GLI3: variants seen among roughly 807,000 people sequenced by gnomAD.
GLI3 encodes GLI family zinc finger 3.
Under a neutral mutation model 100.8 loss-of-function variants are expected in GLI3, and 20 were observed. The observed-to-expected ratio is 0.20, with a 90% CI of 0.14 to 0.29. GLI3 has a LOEUF of 0.29. Among genes scored for constraint, GLI3 ranks in the 10% least tolerant of loss-of-function variants. The pLI is 1.00. For missense variants in GLI3, 2,040 were observed against 2,128.5 expected (o/e 0.96, Z 0.82); for synonymous variants, 938 against 860.5 (o/e 1.09, Z -1.58).
At chr7:42,199,087 T>A (rs1220406435) in intron 2 of GLI3, among the ~76,000 whole-genome samples, 1 of 152,062 alleles carries the variant, frequency 6.6e-6, no homozygotes, top group African/African-American at 2.4e-5. Context: ...AAGAATACAC[T>A]GAGAATACTA....
intron 6 of GLI3, among the ~76,000 whole-genome samples, chr7:42,040,896 G>A (rs1170547037): frequency 6.6e-6 from 1 of 152,084 alleles, no homozygotes; most frequent in Admixed American, 6.5e-5. Context: ...AGATGCTACT[G>A]GAATCTAGAG....
intron 7 of GLI3, among the ~76,000 whole-genome samples, chr7:42,035,532 C>G (rs1244264728): frequency 6.6e-6 from 1 of 152,240 alleles, no homozygotes; most frequent in Non-Finnish European, 1.5e-5. Context: ...TCACTGAGAT[C>G]TCTTTCCTGG....
At chr7:42,002,763 T>C (rs1034182945) in intron 10 of GLI3, among the ~76,000 whole-genome samples, 7 of 152,216 alleles carry the variant, frequency 4.6e-5, no homozygotes, top group African/African-American at 1.2e-4. Context: ...AGCATACTTA[T>C]TGGCACAGTT....
At chr7:42,132,139 C>T (rs937741074) in intron 3 of GLI3, among the ~76,000 whole-genome samples, 3 of 151,888 alleles carry the variant, frequency 2.0e-5, no homozygotes, top group Non-Finnish European at 4.4e-5. Context: ...CTCGCTCTGT[C>T]GCCCAGGCTG....
Position 41,966,661 on chromosome 7 carries a change from G to A in GLI3, c.2432-20C>T. On this transcript the variant is annotated intron_variant, in intron 14 of 14. Coordinates refer to ENST00000395925, the MANE Select transcript of GLI3 (RefSeq NM_000168.6). This position sits in a 1 kb window ranked among gnomAD's most constrained non-coding sequence, Gnocchi z 5.8. ...GTGTGCCTGGAGACAGAGAAAGGGA[G>A]AGACCATGCGGAGATGAATTCCCTT... The A allele has an allele frequency of 1.2e-6, 2 of 1,613,508 alleles. No homozygotes were observed. Among genetic ancestry groups the A allele is most frequent in the South Asian group, 1.1e-5 (1 of 91,036 alleles).
At chr7:41,968,780 GAA>G (rs150602784) in intron 13 of GLI3, among the ~76,000 whole-genome samples, 1 of 139,836 alleles carries the variant, frequency 7.2e-6, no homozygotes, top group East Asian at 1.9e-4. Context: ...AAGAAAGAAA[GAA>G]AGAAAGAAAG....
At chr7:42,244,308 A>G (rs542777722) in intron 1 of GLI3, among the ~76,000 whole-genome samples, 2 of 150,624 alleles carry the variant, frequency 1.3e-5, no homozygotes, top group South Asian at 4.1e-4. Flanking sequence ...AATAACAATG[A>G]AAAAAAATTC....
intron 1 of GLI3, among the ~76,000 whole-genome samples, chr7:42,231,909 AAAG>A (rs1472730735): frequency 6.6e-6 from 1 of 151,222 alleles, no homozygotes; most frequent in African/African-American, 2.5e-5. Context: ...AAAAAAAAAA[AAAG>A]TTAAAGTAGC....
chr7:41,965,629 C>T lies in GLI3; in HGVS notation c.3444G>A (p.Gln1148=). 1 of 1,611,166 alleles carries T rather than the reference C, an allele frequency of 6.2e-7. No individual in the cohort carries two copies. The highest frequency in any genetic ancestry group is 8.5e-7 in the Non-Finnish European group (1 of 1,177,910). Residue 1148 remains glutamine, a synonymous_variant, in exon 15 of 15, where the codon CAG becomes CAA. Transcript: ENST00000395925. ...HAGQQFHALE[Q]PCPEGSKTDL... ...CGGTTTTGCTGCCCTCGGGGCAGGG[C>T]TGCTCGAGGGCATGGAACTGCTGGC...
At chr7:42,058,487 T>G (rs780599261) in intron 4 of GLI3, among the ~76,000 whole-genome samples, 1 of 152,226 alleles carries the variant, frequency 6.6e-6, no homozygotes, top group Non-Finnish European at 1.5e-5. Context: ...GAAAATCAAA[T>G]TGATACACAT....
chr7:42,244,070 GT>G (rs1788949210), intron 1 of GLI3, among the ~76,000 whole-genome samples: 1 of 152,190 alleles, frequency 6.6e-6, no homozygotes, highest in Non-Finnish European at 1.5e-5. Flanking sequence ...CTGACCTCAG[GT>G]GATCTGCCCA....
intron 1 of GLI3, among the ~76,000 whole-genome samples, chr7:42,261,200 A>AACACACACACACACAAACACACAC (rs61693928): frequency 6.8e-6 from 1 of 147,334 alleles, no homozygotes; most frequent in Non-Finnish European, 1.5e-5. Flanking sequence ...CACACACACA[A>AACACACACACACACAAACACACAC]ACACACACAC....
chr7:42,206,048 AT>A (rs1788144696), intron 2 of GLI3, among the ~76,000 whole-genome samples: 2 of 152,288 alleles, frequency 1.3e-5, no homozygotes, highest in African/African-American at 4.8e-5. Flanking sequence ...CTGGTGGATC[AT>A]CTGAGGTCAG....
chr7:41,966,026 A>C lies in GLI3; in HGVS notation c.3047T>G (p.Leu1016Arg). Residue 1016 changes from leucine to arginine, a missense_variant, in exon 15 of 15, where the codon CTG (leucine) becomes CGG (arginine). This residue lies in a region of GLI3 where 1,041 missense variants were observed against 924.0 expected (regional missense o/e 1.13). Coordinates refer to ENST00000395925, the MANE Select transcript of GLI3 (RefSeq NM_000168.6). The surrounding 1 kb of genome is among the most constrained non-coding windows in gnomAD (Gnocchi z 5.8). ...SDPVRTGSEGLALPRVPRFSS... is the reference protein window; with the variant it reads ...SDPVRTGSEGRALPRVPRFSS... ...GAAGCGCGGCACACGAGGCAGGGCCAGGCCCTCGGAGCCTGTCCGCACCGG... is the reference window on the plus strand; with the variant it reads ...GAAGCGCGGCACACGAGGCAGGGCCCGGCCCTCGGAGCCTGTCCGCACCGG... 6.3e-7 allele frequency: 1 copy of C among 1,593,440 alleles called. No individual in the cohort carries two copies. Among genetic ancestry groups the C allele is most frequent in the Non-Finnish European group, 8.5e-7 (1 of 1,176,264 alleles).
chr7:42,215,717 G>T (rs1417714833), intron 2 of GLI3, among the ~76,000 whole-genome samples: 1 of 152,188 alleles, frequency 6.6e-6, no homozygotes, highest in Non-Finnish European at 1.5e-5. Context: ...ATTTATCCCA[G>T]GAATTGTTCT....
At chr7:42,180,156 G>A (rs1244533344) in intron 2 of GLI3, among the ~76,000 whole-genome samples, 1 of 152,148 alleles carries the variant, frequency 6.6e-6, no homozygotes, top group Non-Finnish European at 1.5e-5. Flanking sequence ...GGTGGGGGCG[G>A]AGGACAACAG....
At chr7:42,225,607 C>T (rs149044542) in intron 1 of GLI3, among the ~76,000 whole-genome samples, 7,247 of 152,222 alleles carry the variant, frequency 0.048, 202 homozygotes, top group Non-Finnish European at 0.066. Context: ...GTGATCCACC[C>T]GCCTCGGCCT....
chr7:41,974,422 A>G (rs181740481), intron 12 of GLI3, among the ~76,000 whole-genome samples: 1 of 152,344 alleles, frequency 6.6e-6, no homozygotes, highest in East Asian at 1.9e-4. Flanking sequence ...TTTGCCCACA[A>G]ATTTTGTTGT....
chr7:42,055,197 T>A (rs1008206415), intron 4 of GLI3, among the ~76,000 whole-genome samples: 8 of 151,994 alleles, frequency 5.3e-5, no homozygotes, highest in Middle Eastern at 3.4e-3. Context: ...AGTAAAACAG[T>A]AGACACTGTC....
Sources: gnomAD v4.1 joint callset for allele counts (sites outside exome capture counted in the v4.1 genomes callset) on GRCh38, gnomAD v4.1.1 for gene constraint, gnomAD v4.1.1 regional missense constraint, Gnocchi (gnomAD v3.1) non-coding constraint, MANE v1.5 for transcripts, NCBI Gene and HGNC (gene_info 2026-07-23, HGNC 2026-07-21) for gene names.